Variants in ZFYVE1 observed in about 807,000 individuals in gnomAD.
ZFYVE1 encodes zinc finger FYVE domain-containing protein 1.
ZFYVE1 carries 30 observed loss-of-function variants against 74.4 expected under a neutral mutation model. The ratio of observed to expected loss-of-function variants is 0.40; its 90% CI spans 0.30 to 0.55. ZFYVE1 has a LOEUF of 0.55. Among genes scored for constraint, ZFYVE1 ranks in the 20% least tolerant of loss-of-function variants. The pLI, the probability that ZFYVE1 is intolerant of heterozygous loss-of-function variation, is 0.42. For synonymous variants in ZFYVE1, 335 were observed against 385.1 expected (o/e 0.87, Z 1.52); for missense variants, 703 against 1,011.6 (o/e 0.69, Z 4.14).
Position 72,970,800 on chromosome 14 carries a change from TG to T in ZFYVE1, c.*81del. The T allele has an allele frequency of 7.0e-7, 1 of 1,431,590 alleles. No homozygotes were observed. Among genetic ancestry groups the T allele is most frequent in the Non-Finnish European group, 9.6e-7 (1 of 1,045,252 alleles). 88.7% of individuals were successfully genotyped at this position (1,431,590 alleles called of 1,614,324 possible). ...GAGGACACACACCACAGCAGGTGACTGGGAGGAGGGCCTACCTCGCAAGACT... is the reference window on the plus strand; with the variant it reads ...GAGGACACACACCACAGCAGGTGACTGGAGGAGGGCCTACCTCGCAAGACT... On this transcript the variant is annotated 3_prime_UTR_variant, in exon 12 of 12. Coordinates refer to ENST00000556143, the MANE Select transcript of ZFYVE1 (RefSeq NM_021260.4).
At chr14:72,987,612 G>T (rs752361372) in intron 4 of ZFYVE1, among the ~76,000 whole-genome samples, 4 of 152,154 alleles carry the variant, frequency 2.6e-5, no homozygotes, top group African/African-American at 9.7e-5. Context: ...ACTATGAAAT[G>T]GTTCTCCCAA....
At chr14:72,992,621 C>CA (rs1555532808) in intron 4 of ZFYVE1, among the ~76,000 whole-genome samples, 10 of 111,270 alleles carry the variant, frequency 9.0e-5, no homozygotes, top group Non-Finnish European at 1.4e-4. Flanking sequence ...AGGTGCCCCC[C>CA]CCGCCCCTTG....
At chr14:72,974,047 C>T (rs768956575) in intron 11 of ZFYVE1, 33 bp downstream of exon 11, 131 of 1,603,372 alleles carry the variant, frequency 8.2e-5, no homozygotes, top group Non-Finnish European at 1.1e-4. Context: ...AACCCGCATC[C>T]ACTACCCCCA....
At chr14:72,992,335 T>C (rs1046273424) in intron 4 of ZFYVE1, among the ~76,000 whole-genome samples, 4 of 152,188 alleles carry the variant, frequency 2.6e-5, no homozygotes, top group Admixed American at 2.6e-4. Context: ...TTTGTGGTTA[T>C]GAGAAGGAGC....
chr14:72,993,464 A>T, intron 3 of ZFYVE1, 107 bp from the exon 4 acceptor site: 1 of 1,020,868 alleles, frequency 9.8e-7, no homozygotes, highest in South Asian at 1.9e-5. Context: ...GCACTTTGGG[A>T]GGCCAAGGTG....
Position 72,993,318 on chromosome 14 carries a change from C to T in ZFYVE1, c.1028G>A (p.Arg343Gln), listed in dbSNP as rs754283630. ...SEVPEKLIQD[R>Q]FRKLGRFPEA... ...AGGGAAACGGCCCAGCTTCCGGAAC[C>T]GGTCCTGGATGAGCTTCTCTGGCAC... The change falls in exon 4 of 12, where the codon CGG (arginine) becomes CAG (glutamine). Residue 343 changes from arginine to glutamine, a missense_variant. Arg to Gln is a conservative substitution (Grantham distance 43). Coordinates refer to ENST00000556143, the MANE Select transcript of ZFYVE1 (RefSeq NM_021260.4). The T allele has an allele frequency of 2.5e-6, 4 of 1,613,196 alleles. No homozygotes were observed. Among genetic ancestry groups the T allele is most frequent in the East Asian group, 2.2e-5 (1 of 44,800 alleles).
chr14:73,018,475 T>C (rs565619222), intron 2 of ZFYVE1, among the ~76,000 whole-genome samples: 1 of 149,774 alleles, frequency 6.7e-6, no homozygotes, highest in Non-Finnish European at 1.5e-5. Flanking sequence ...AATAAGACCT[T>C]CTCTGACCAT....
chr14:72,975,476 G>A lies in ZFYVE1; in HGVS notation c.1806+75C>T. On this transcript the variant is annotated intron_variant, in intron 9 of 11. Coordinates refer to ENST00000556143, the MANE Select transcript of ZFYVE1 (RefSeq NM_021260.4). This position sits in a 1 kb window ranked among gnomAD's most constrained non-coding sequence, Gnocchi z 4.1. ...TGTTTGCGTCTCCCTCACAGAACAAGCTTAGCACAGGGCAAAGCGGCATTA... is the reference window on the plus strand; with the variant it reads ...TGTTTGCGTCTCCCTCACAGAACAAACTTAGCACAGGGCAAAGCGGCATTA... The A allele has an allele frequency of 2.6e-6, 4 of 1,528,180 alleles. No individual in the cohort carries two copies. Among genetic ancestry groups the A allele is most frequent in the Non-Finnish European group, 3.5e-6 (4 of 1,136,194 alleles). 94.7% of individuals were successfully genotyped at this position (1,528,180 alleles called of 1,614,324 possible). A position where few individuals can be genotyped will look rare whatever the true frequency, so the allele number is the denominator to read the frequency against.
chr14:72,993,158 G>C lies in ZFYVE1; in HGVS notation c.1188C>G (p.Ile396Met). The change falls in exon 4 of 12, where the codon ATC becomes ATG. Residue 396 changes from isoleucine (I) to methionine (M), a missense_variant. Transcript: ENST00000556143. ...TTRSPRHPGV[I>M]FKALKALSDR... ...GCCAACTGACCTTCAGGGCTTTGAA[G>C]ATGACTCCCGGGTGCCGGGGAGAAC... 6.2e-7 allele frequency: 1 copy of C among 1,607,824 alleles called. No individual in the cohort carries two copies. The highest frequency in any genetic ancestry group is 8.5e-7 in the Non-Finnish European group (1 of 1,176,126).
chr14:72,987,642 C>G (rs1226930372), intron 4 of ZFYVE1, among the ~76,000 whole-genome samples: 1 of 152,194 alleles, frequency 6.6e-6, no homozygotes, highest in Non-Finnish European at 1.5e-5. Flanking sequence ...ACTGTAAGTA[C>G]AGACAACCAT....
intron 3 of ZFYVE1, among the ~76,000 whole-genome samples, chr14:72,997,288 C>G (rs118024131): frequency 3.0e-3 from 459 of 152,290 alleles, no homozygotes; most frequent in Non-Finnish European, 5.1e-3. Flanking sequence ...CCACATCAGC[C>G]TCCAGCTACA....
chr14:72,972,709 C>CTT (rs764679644), intron 11 of ZFYVE1, among the ~76,000 whole-genome samples: 13 of 140,318 alleles, frequency 9.3e-5, no homozygotes, highest in African/African-American at 2.9e-4. Flanking sequence ...TTTAAATCTT[C>CTT]TTTTTTTTTT....
chr14:73,017,562 G>C (rs561489193), intron 2 of ZFYVE1, among the ~76,000 whole-genome samples: 1 of 152,272 alleles, frequency 6.6e-6, no homozygotes, highest in South Asian at 2.1e-4. Context: ...ATAAAACCTG[G>C]TGTCTTAAAT....
chr14:72,971,376 G>A (rs28363781), intron 11 of ZFYVE1, among the ~76,000 whole-genome samples: 16,111 of 151,934 alleles, frequency 0.11, 2,033 homozygotes, highest in African/African-American at 0.31. Flanking sequence ...TCATTCTGTC[G>A]CCCAGGTTGG....
At chr14:72,985,855 C>G (rs958668127) in intron 4 of ZFYVE1, among the ~76,000 whole-genome samples, 2 of 152,126 alleles carry the variant, frequency 1.3e-5, no homozygotes, top group Non-Finnish European at 2.9e-5. Context: ...TCAAGCCATT[C>G]TCCTGCCTCA....
At chr14:72,991,485 G>A (rs543415032) in intron 4 of ZFYVE1, among the ~76,000 whole-genome samples, 11 of 151,388 alleles carry the variant, frequency 7.3e-5, no homozygotes, top group South Asian at 6.2e-4. Context: ...CACCGCGCCC[G>A]GCCCCTGATG....
chr14:72,992,379 G>A (rs1893633677), intron 4 of ZFYVE1, among the ~76,000 whole-genome samples: 1 of 152,172 alleles, frequency 6.6e-6, no homozygotes, highest in Admixed American at 6.5e-5. Context: ...TAGGCCTGCT[G>A]TCACTCACCA....
intron 2 of ZFYVE1, among the ~76,000 whole-genome samples, chr14:73,002,521 C>A (rs1301905269): frequency 6.6e-6 from 1 of 151,896 alleles, no homozygotes; most frequent in Middle Eastern, 3.2e-3. Context: ...TGGCTCACTG[C>A]AACCTCCACC....
At chr14:73,013,751 T>G (rs1472647863) in intron 2 of ZFYVE1, among the ~76,000 whole-genome samples, 1 of 152,032 alleles carries the variant, frequency 6.6e-6, no homozygotes, top group Non-Finnish European at 1.5e-5. Flanking sequence ...TTTACCCTTG[T>G]TTTTCTTCCC....
Sources: allele counts gnomAD v4.1 joint callset (sites outside exome capture counted in the v4.1 genomes callset), GRCh38; gene constraint gnomAD v4.1.1; non-coding constraint Gnocchi (gnomAD v3.1); transcripts MANE v1.5; gene names NCBI Gene and HGNC (gene_info 2026-07-23, HGNC 2026-07-21).